DLC1: variants seen among roughly 807,000 people sequenced by gnomAD.
DLC1 encodes the protein DLC1 Rho GTPase activating protein.
A neutral mutation model predicts 140.3 loss-of-function variants in DLC1; 54 were observed. The ratio of observed to expected loss-of-function variants is 0.38; its 90% CI spans 0.31 to 0.48. The LOEUF (loss-of-function observed/expected upper bound fraction) is 0.48, where lower values mean the gene tolerates loss of function less well. DLC1 is among the 20% of genes least tolerant of loss of function. DLC1 has a pLI of 0.96. For missense variants in DLC1, 2,536 were observed against 1,907.0 expected, an observed-to-expected ratio of 1.33 and a Z score of -6.14; for synonymous variants, 986 against 728.1, an observed-to-expected ratio of 1.35 and a Z score of -5.70.
chr8:13,085,954 G>C (rs753590300), intron 17 of DLC1, 23 bp from the exon 18 acceptor site: 49 of 1,609,628 alleles, frequency 3.0e-5, no homozygotes, highest in South Asian at 1.0e-4. Context: ...AGAAAGAAAA[G>C]CTGATGAATT....
chr8:13,287,713 A>T (rs776311179), intron 5 of DLC1, among the ~76,000 whole-genome samples: 6 of 152,206 alleles, frequency 3.9e-5, no homozygotes, highest in Non-Finnish European at 8.8e-5. Flanking sequence ...GTGCACATTG[A>T]GTGGTTCACA....
intron 5 of DLC1, among the ~76,000 whole-genome samples, chr8:13,126,377 AC>A (rs1821568816): frequency 6.6e-6 from 1 of 151,720 alleles, no homozygotes; most frequent in East Asian, 1.9e-4. Context: ...ATACACACAC[AC>A]ACACACACAC....
intron 5 of DLC1, among the ~76,000 whole-genome samples, chr8:13,246,898 T>C (rs946433087): frequency 1.3e-5 from 2 of 152,142 alleles, no homozygotes; most frequent in Admixed American, 1.3e-4. Context: ...ATAAATACTG[T>C]TCATGCTTGT....
At chr8:13,355,530 T>C (rs551811080) in intron 4 of DLC1, among the ~76,000 whole-genome samples, 11 of 152,320 alleles carry the variant, frequency 7.2e-5, no homozygotes, top group Non-Finnish European at 1.2e-4. Flanking sequence ...AGGTGGCCCC[T>C]CTCTGGTGGC....
intron 2 of DLC1, among the ~76,000 whole-genome samples, chr8:13,417,528 A>G (rs1459652222): frequency 6.6e-6 from 1 of 151,684 alleles, no homozygotes; most frequent in Non-Finnish European, 1.5e-5. Context: ...TGTCCCTACA[A>G]AGGACATGAA....
chr8:13,592,546 T>A (rs967796431), intron 1 of DLC1, among the ~76,000 whole-genome samples: 4 of 152,118 alleles, frequency 2.6e-5, no homozygotes, highest in Non-Finnish European at 5.9e-5. Flanking sequence ...ATTCCTTTTT[T>A]AAAAAACTTT....
chr8:13,329,141 C>T (rs1245251462), intron 4 of DLC1, among the ~76,000 whole-genome samples: 1 of 152,162 alleles, frequency 6.6e-6, no homozygotes, highest in African/African-American at 2.4e-5. Context: ...GAATCGAGTC[C>T]TGCCTTGGAG....
intron 5 of DLC1, among the ~76,000 whole-genome samples, chr8:13,167,459 G>A (rs1825182822): frequency 6.6e-6 from 1 of 152,038 alleles, no homozygotes; most frequent in African/African-American, 2.4e-5. Flanking sequence ...ATTTCCCTGG[G>A]GATTATGGAT....
chr8:13,202,897 C>T (rs1827469776), intron 5 of DLC1, among the ~76,000 whole-genome samples: 1 of 152,078 alleles, frequency 6.6e-6, no homozygotes, highest in Non-Finnish European at 1.5e-5. Context: ...TGGTCTTGAA[C>T]TCCTGGGCCC....
intron 5 of DLC1, among the ~76,000 whole-genome samples, chr8:13,167,915 T>C (rs1825213069): frequency 6.6e-6 from 1 of 152,234 alleles, no homozygotes. Flanking sequence ...ACAATTGGCC[T>C]TCTATGACTG....
chr8:13,327,683 C>T (rs551564395), intron 4 of DLC1, among the ~76,000 whole-genome samples: 4 of 152,296 alleles, frequency 2.6e-5, no homozygotes, highest in East Asian at 3.9e-4. Flanking sequence ...CAAAAATGTA[C>T]TGAGCCTCTA....
At chr8:13,385,217 C>T (rs1836463727) in intron 4 of DLC1, among the ~76,000 whole-genome samples, 1 of 151,992 alleles carries the variant, frequency 6.6e-6, no homozygotes, top group South Asian at 2.1e-4. Flanking sequence ...TTACTACAGT[C>T]CTGATACAAA....
At chr8:13,461,403 T>C (rs1563367583) in intron 2 of DLC1, among the ~76,000 whole-genome samples, 6 of 152,162 alleles carry the variant, frequency 3.9e-5, no homozygotes, top group Admixed American at 3.9e-4. Flanking sequence ...TCCACCCCTT[T>C]ATAAACATTA....
Position 13,358,143 on chromosome 8 carries a change from C to T in DLC1, c.1314+35410G>A, listed in dbSNP as rs1617254. On this transcript the variant is annotated intron_variant, in intron 4 of 17. Coordinates refer to ENST00000276297, the MANE Select transcript of DLC1 (RefSeq NM_182643.3). ...TTATAACAAATATTTTCCTATTCAC[C>T]GTAAGTTTTTCTGGAAAAAAAATAG... 3.2e-3 allele frequency among the ~76,000 whole-genome samples: 485 copies of T among 152,080 alleles called. 3 individuals carry two copies. The highest frequency in any genetic ancestry group is 0.011 in the African/African-American group (460 of 41,468).
At chr8:13,495,119 G>T (rs1801442294) in intron 2 of DLC1, among the ~76,000 whole-genome samples, 1 of 152,044 alleles carries the variant, frequency 6.6e-6, no homozygotes, top group South Asian at 2.1e-4. Flanking sequence ...TTGTAATATG[G>T]ATTATTTCTT....
rs745727395 is a variant in DLC1 at position 13,100,101 on chromosome 8, G to GGCT, written c.2233_2235dup (p.Ser745dup). On this transcript the variant is annotated inframe_insertion, in exon 9 of 18. Coordinates refer to ENST00000276297, the MANE Select transcript of DLC1 (RefSeq NM_182643.3). ...CTGACCGCGCTGCTGGTCTCCGACT[G>GGCT]GCTGCTGCTGCTGCTGGTCTGCGTG... 2.7e-5 allele frequency: 44 copies of GGCT among 1,613,346 alleles called. No individual in the cohort carries two copies. Among genetic ancestry groups the GGCT allele is most frequent in the Non-Finnish European group, 3.3e-5 (39 of 1,179,852 alleles).
intron 2 of DLC1, among the ~76,000 whole-genome samples, chr8:13,492,403 C>G (rs1000546913): frequency 3.3e-5 from 5 of 152,002 alleles, no homozygotes; most frequent in African/African-American, 4.8e-5. Flanking sequence ...CACTTTTTGT[C>G]AAAGACTTGT....
intron 2 of DLC1, among the ~76,000 whole-genome samples, chr8:13,480,000 G>A (rs1336086523): frequency 6.6e-6 from 1 of 151,886 alleles, no homozygotes; most frequent in Admixed American, 6.6e-5. Flanking sequence ...CAGGAGGTGG[G>A]GGCTGCAGTG....
chr8:13,551,283 C>G (rs970117840), intron 1 of DLC1, among the ~76,000 whole-genome samples: 5 of 151,974 alleles, frequency 3.3e-5, no homozygotes, highest in Non-Finnish European at 7.4e-5. Flanking sequence ...TGTTCTAAAT[C>G]ACAGTCTTCA....
Sources: allele counts gnomAD v4.1 joint callset (sites outside exome capture counted in the v4.1 genomes callset), GRCh38; gene constraint gnomAD v4.1.1; transcripts MANE v1.5; gene names NCBI Gene and HGNC (gene_info 2026-07-23, HGNC 2026-07-21).